Variants in SERPINF2 observed in about 807,000 individuals in gnomAD.
SERPINF2 encodes alpha-2-antiplasmin.
SERPINF2 carries 15 observed loss-of-function variants against 45.0 expected under a neutral mutation model. The ratio of observed to expected loss-of-function variants is 0.33; its 90% confidence interval spans 0.22 to 0.51. The LOEUF (loss-of-function observed/expected upper bound fraction) is 0.51, where lower values mean the gene tolerates loss of function less well. Among genes scored for constraint, SERPINF2 ranks in the 20% least tolerant of loss-of-function variants. The pLI is 0.97. For synonymous variants in SERPINF2, 283 were observed against 277.9 expected, an observed-to-expected ratio of 1.02 and a Z score of -0.18; for missense variants, 518 against 637.4, an observed-to-expected ratio of 0.81 and a Z score of 2.02.
In SERPINF2 at chr17:1,746,990, C is replaced by T. The variant is rs200409191; in HGVS notation, c.368-29C>T. Reference sequence around the variant, plus strand: ...GTGGGGGTGAGAAAGGACCCGCAGCCGGGCCTCAGCCTGTGCGGTGCCCTC... The same window carrying T: ...GTGGGGGTGAGAAAGGACCCGCAGCTGGGCCTCAGCCTGTGCGGTGCCCTC... On this transcript the variant is annotated intron_variant, in intron 5 of 9. Transcript: ENST00000453066. The T allele has an allele frequency of 2.3e-4, 363 of 1,598,686 alleles. 1 individual carries two copies. The highest frequency in any genetic ancestry group is 2.9e-4 in the Non-Finnish European group (341 of 1,177,284).
In SERPINF2 at chr17:1,745,447, C is replaced by T. The variant is rs1905726590; in HGVS notation, c.165+52C>T. ...GTGGGCGGGGCTAGAGGGAGGAGGGCCCATCGGCAGGGGTCGGGGGGTGGG... is the reference window on the plus strand; with the variant it reads ...GTGGGCGGGGCTAGAGGGAGGAGGGTCCATCGGCAGGGGTCGGGGGGTGGG... On this transcript the variant is annotated intron_variant, in intron 4 of 9. Coordinates refer to ENST00000453066, the MANE Select transcript of SERPINF2 (RefSeq NM_000934.4). This position sits in a 1 kb window ranked among gnomAD's most constrained non-coding sequence, Gnocchi z 6.2. 1 of 1,574,340 alleles carries T rather than the reference C, an allele frequency of 6.4e-7. No homozygotes were observed. The highest frequency in any genetic ancestry group is 8.7e-7 in the Non-Finnish European group (1 of 1,151,558).
At position 1,751,683 on chromosome 17, in the gene SERPINF2, G is replaced by GGCGGAGGTTGCGGTGA. The variant is rs1839148967; in HGVS notation, c.859-900_859-885dup. On this transcript the variant is annotated intron_variant, in intron 8 of 9. Coordinates refer to ENST00000453066, the MANE Select transcript of SERPINF2 (RefSeq NM_000934.4). Reference sequence around the variant, plus strand: ...GCAGAAGAATGGCGTGAATCCACGAGGCGGAGGTTGCGGTGAGCCGAGATT... The same window carrying GGCGGAGGTTGCGGTGA: ...GCAGAAGAATGGCGTGAATCCACGAGGCGGAGGTTGCGGTGAGCGGAGGTTGCGGTGAGCCGAGATT... Among the ~76,000 whole-genome samples, 2 of 138,654 alleles carry GGCGGAGGTTGCGGTGA rather than the reference G, an allele frequency of 1.4e-5. 1 individual carries two copies. The highest frequency in any genetic ancestry group is 3.3e-5 in the Non-Finnish European group (2 of 61,246). 91.0% of individuals were successfully genotyped at this position (138,654 alleles called of 152,430 possible). A position where few individuals can be genotyped will look rare whatever the true frequency, so the allele number is the denominator to read the frequency against.
In SERPINF2 at chr17:1,754,964, C is replaced by T. The variant is rs565085921; in HGVS notation, c.*430C>T. 62 of 220,252 alleles carry T rather than the reference C, an allele frequency of 2.8e-4. No homozygotes were observed. The highest frequency in any genetic ancestry group is 4.2e-4 in the Non-Finnish European group (47 of 111,806). 13.6% of individuals were successfully genotyped at this position (220,252 alleles called of 1,614,324 possible). A position where few individuals can be genotyped will look rare whatever the true frequency, so the allele number is the denominator to read the frequency against. ...GGAGAGACGGGCCCTGGTGGTGGCT[C>T]GGGAGGCGAAGCGTTGTCCTCAGCC... On this transcript the variant is annotated 3_prime_UTR_variant, in exon 10 of 10. Transcript: ENST00000453066.
intron 1 of SERPINF2, chr17:1,744,564 G>C: frequency 2.0e-6 from 2 of 985,412 alleles, no homozygotes; most frequent in Non-Finnish European, 2.4e-6. Flanking sequence ...TGAGAAGAGT[G>C]AGGGACTTGT....
At chr17:1,750,705 T>C (rs1369795512) in intron 8 of SERPINF2, among the ~76,000 whole-genome samples, 1 of 152,156 alleles carries the variant, frequency 6.6e-6, no homozygotes, top group African/African-American at 2.4e-5. Context: ...GTGGCTGAGA[T>C]GGCTGTATTT....
intron 8 of SERPINF2, among the ~76,000 whole-genome samples, chr17:1,751,080 C>T (rs1424881672): frequency 1.3e-5 from 2 of 152,204 alleles, no homozygotes; most frequent in African/African-American, 4.8e-5. Flanking sequence ...TGCCTGGAAC[C>T]CAAGGAGTCA....
intron 8 of SERPINF2, among the ~76,000 whole-genome samples, chr17:1,751,154 A>G (rs1395767950): frequency 6.6e-6 from 1 of 152,058 alleles, no homozygotes; most frequent in African/African-American, 2.4e-5. Flanking sequence ...ATCCCTTCAA[A>G]TCAAATCTTA....
chr17:1,749,556 C>T (rs987827258), intron 8 of SERPINF2, among the ~76,000 whole-genome samples: 3 of 152,220 alleles, frequency 2.0e-5, no homozygotes, highest in Non-Finnish European at 4.4e-5. Flanking sequence ...TGAGATCGCA[C>T]CACTGCACTC....
chr17:1,747,251 G>A (rs1905920721), intron 6 of SERPINF2, 58 bp from the exon 7 acceptor site: 3 of 1,610,630 alleles, frequency 1.9e-6, no homozygotes, highest in Admixed American at 3.4e-5. Flanking sequence ...AGCGAGTAGG[G>A]GCGTGTCTGG....
In SERPINF2 at chr17:1,745,435, G is replaced by A; in HGVS notation, c.165+40G>A. 1 of 1,592,214 alleles carries A rather than the reference G, an allele frequency of 6.3e-7. No homozygotes were observed. Among genetic ancestry groups the A allele is most frequent in the Non-Finnish European group, 8.6e-7 (1 of 1,164,132 alleles). On this transcript the variant is annotated intron_variant, in intron 4 of 9. Coordinates refer to ENST00000453066, the MANE Select transcript of SERPINF2 (RefSeq NM_000934.4). The surrounding 1 kb of genome is among the most constrained non-coding windows in gnomAD (Gnocchi z 6.2). ...GGCTGGGGAAGAGTGGGCGGGGCTA[G>A]AGGGAGGAGGGCCCATCGGCAGGGG...
intron 8 of SERPINF2, among the ~76,000 whole-genome samples, chr17:1,750,747 C>G (rs1335600652): frequency 2.0e-5 from 3 of 152,272 alleles, no homozygotes; most frequent in African/African-American, 7.2e-5. Context: ...TGACACAGAG[C>G]ACAGCCACTT....
chr17:1,753,782 CG>C (rs1457836969), intron 9 of SERPINF2, among the ~76,000 whole-genome samples: 1 of 152,174 alleles, frequency 6.6e-6, no homozygotes, highest in African/African-American at 2.4e-5. Context: ...TACCAGGTAC[CG>C]GGAGCCCACC....
At chr17:1,754,061 C>A in intron 9 of SERPINF2, 61 bp from the exon 10 acceptor site, 2 of 1,585,140 alleles carry the variant, frequency 1.3e-6, no homozygotes, top group Non-Finnish European at 8.6e-7. Flanking sequence ...CCCTCCCAAG[C>A]AGCTCCAGGA....
intron 9 of SERPINF2, 137 bp from the exon 10 acceptor site, chr17:1,753,985 G>A: frequency 9.9e-7 from 1 of 1,005,130 alleles, no homozygotes; most frequent in Non-Finnish European, 1.5e-6. Context: ...CTGAGTCTTG[G>A]AAACCGGATA....
chr17:1,750,799 G>A lies in SERPINF2; in HGVS notation c.859-1787G>A, dbSNP rs1004936344. Among the ~76,000 whole-genome samples the A allele has an allele frequency of 7.9e-5, 12 of 152,156 alleles. No homozygotes were observed. In the East Asian group the frequency reaches 2.3e-3, roughly 29 times the overall value. On this transcript the variant is annotated intron_variant, in intron 8 of 9. Transcript: ENST00000453066. ...GAAGCCACTTGGGCAGCCCTCCTGGGAGGGGGCTGTGGGTGAGGCTGGCCC... is the reference window on the plus strand; with the variant it reads ...GAAGCCACTTGGGCAGCCCTCCTGGAAGGGGGCTGTGGGTGAGGCTGGCCC...
intron 5 of SERPINF2, 69 bp from the exon 6 acceptor site, chr17:1,746,950 G>A: frequency 6.4e-7 from 1 of 1,571,072 alleles, no homozygotes; most frequent in Admixed American, 1.7e-5. Context: ...TATCCAGGAG[G>A]GACTGGAGTG....
chr17:1,744,566 G>A (rs1905617621), intron 1 of SERPINF2: 1 of 985,420 alleles, frequency 1.0e-6, no homozygotes, highest in Non-Finnish European at 1.2e-6. Flanking sequence ...AGAAGAGTGA[G>A]GGACTTGTGC....
At position 1,745,661 on chromosome 17, in the gene SERPINF2, C is replaced by G. The variant is rs1202019452; in HGVS notation, c.166-47C>G. 3 of 1,579,612 alleles carry G rather than the reference C, an allele frequency of 1.9e-6. No individual in the cohort carries two copies. The highest frequency in any genetic ancestry group is 1.7e-5 in the Admixed American group (1 of 59,900). ...TGTGACAAGGCCTTCAACACAGAAC[C>G]TGGAGCTGACCCCTTGACCTCCCTG... is the stretch of plus-strand genomic sequence containing the variant. On this transcript the variant is annotated intron_variant, in intron 4 of 9. Transcript: ENST00000453066. The surrounding 1 kb of genome is among the most constrained non-coding windows in gnomAD (Gnocchi z 6.2).
At chr17:1,749,867 C>G (rs1445353694) in intron 8 of SERPINF2, among the ~76,000 whole-genome samples, 1 of 152,224 alleles carries the variant, frequency 6.6e-6, no homozygotes, top group Admixed American at 6.5e-5. Flanking sequence ...TCTGCAGCCC[C>G]CAGCCTGGGA....
Sources: allele counts gnomAD v4.1 joint callset (sites outside exome capture counted in the v4.1 genomes callset), GRCh38; gene constraint gnomAD v4.1.1; non-coding constraint Gnocchi (gnomAD v3.1); transcripts MANE v1.5; gene names NCBI Gene and HGNC (gene_info 2026-07-23, HGNC 2026-07-21).